The following ACYP2 variants were observed in gnomAD, a reference collection of about 807,000 sequenced individuals.
ACYP2 encodes the protein acylphosphatase 2.
In ACYP2, 12 loss-of-function variants were observed where a neutral mutation model predicts 11.2. The ratio of observed to expected loss-of-function variants is 1.08; its 90% CI spans 0.69 to 1.74. ACYP2 has a LOEUF of 1.74. Ranked by LOEUF, ACYP2 falls within the 40% of genes most tolerant of loss-of-function variation. The probability of loss-of-function intolerance (pLI) is 0.00; values close to 1 mark genes in which losing one functional copy is unlikely to be tolerated. For missense variants in ACYP2, 134 were observed against 101.9 expected (o/e 1.31, Z -1.35); for synonymous variants, 43 against 32.2 (o/e 1.33, Z -1.13).
At chr2:54,178,424 A>G (rs1405801058) in intron 6 of ACYP2, among the ~76,000 whole-genome samples, 1 of 152,194 alleles carries the variant, frequency 6.6e-6, no homozygotes, top group African/African-American at 2.4e-5. Flanking sequence ...TATAGTGACT[A>G]AAGAAACGTA....
intron 4 of ACYP2, among the ~76,000 whole-genome samples, chr2:54,091,942 T>A (rs1329994596): frequency 6.6e-6 from 1 of 152,004 alleles, no homozygotes; most frequent in African/African-American, 2.4e-5. Flanking sequence ...AAAGTGTTTG[T>A]AATAGTCCGT....
intron 4 of ACYP2, chr2:54,065,512 G>C: frequency 2.5e-6 from 1 of 398,564 alleles, no homozygotes; most frequent in Non-Finnish European, 4.4e-6. Flanking sequence ...CCCTGATCAG[G>C]GAAAATGCAG....
At chr2:54,038,243 C>T (rs763917855) in intron 2 of ACYP2, among the ~76,000 whole-genome samples, 13 of 152,140 alleles carry the variant, frequency 8.5e-5, no homozygotes, top group Non-Finnish European at 1.3e-4. Context: ...GTAGACACCT[C>T]CTCATTCTCC....
At chr2:54,062,146 A>G (rs1365414256) in intron 4 of ACYP2, among the ~76,000 whole-genome samples, 1 of 152,170 alleles carries the variant, frequency 6.6e-6, no homozygotes, top group African/African-American at 2.4e-5. Context: ...AAATAAGCAC[A>G]TTCCACAAGG....
intron 4 of ACYP2, among the ~76,000 whole-genome samples, chr2:54,068,781 G>A (rs1411086472): frequency 6.6e-6 from 1 of 152,104 alleles, no homozygotes; most frequent in African/African-American, 2.4e-5. Context: ...GGCTGTTTGA[G>A]AAGGAGGCTG....
intron 2 of ACYP2, among the ~76,000 whole-genome samples, chr2:53,979,325 G>T (rs1293401715): frequency 6.6e-6 from 1 of 151,840 alleles, no homozygotes; most frequent in African/African-American, 2.4e-5. Flanking sequence ...AAATAGAAAA[G>T]CACATAAAAA....
chr2:54,219,664 G>T (rs1685699261), intron 6 of ACYP2, among the ~76,000 whole-genome samples: 1 of 151,754 alleles, frequency 6.6e-6, no homozygotes, highest in African/African-American at 2.4e-5. Context: ...TGTTGCCCAG[G>T]CTGGAGTGCA....
At chr2:53,972,963 A>T (rs12992028) in intron 1 of ACYP2, among the ~76,000 whole-genome samples, 1 of 152,128 alleles carries the variant, frequency 6.6e-6, no homozygotes, top group Non-Finnish European at 1.5e-5. Flanking sequence ...GGAGGGAAGG[A>T]AATATACAGT....
At position 54,266,565 on chromosome 2, in the gene ACYP2, TAG is replaced by T. The variant is rs1190388898; in HGVS notation, c.405-38121_405-38120del. Among the ~76,000 whole-genome samples, 605 of 131,540 alleles carry T rather than the reference TAG, an allele frequency of 4.6e-3. 12 individuals are homozygous for T. The highest frequency in any genetic ancestry group is 0.016 in the African/African-American group (575 of 35,490). The allele number at this position is 131,540 out of a possible 152,430, so 86.3% of individuals were successfully genotyped here. On this transcript the variant is annotated intron_variant, in intron 6 of 6. Coordinates refer to ENST00000607452, the MANE Select transcript of ACYP2 (RefSeq NM_001320586.2). ...ATATAGCTAGATAAAGATAGATAGA[TAG>T]ATAGATATAGATATCTATCTATCTT...
chr2:54,156,126 G>A (rs1351978301), intron 6 of ACYP2, among the ~76,000 whole-genome samples: 1 of 152,140 alleles, frequency 6.6e-6, no homozygotes, highest in African/African-American at 2.4e-5. Context: ...GCTGTTGGAT[G>A]GAAAATTCTA....
intron 4 of ACYP2, among the ~76,000 whole-genome samples, chr2:54,134,917 C>A (rs1681132385): frequency 6.6e-6 from 1 of 152,238 alleles, no homozygotes; most frequent in South Asian, 2.1e-4. Flanking sequence ...CTTCCTTCTT[C>A]ACAGTTTCAT....
At chr2:53,998,804 T>TA (rs1035583733) in intron 2 of ACYP2, among the ~76,000 whole-genome samples, 2 of 150,788 alleles carry the variant, frequency 1.3e-5, no homozygotes, top group Admixed American at 6.6e-5. Context: ...GGACTGGGTT[T>TA]AAAAAAAAAG....
rs1030883175 is a variant in ACYP2, at chr2:54,267,403, C to T, written c.405-37285C>T. The T allele has an allele frequency of 4.0e-6, 6 of 1,510,932 alleles. No individual in the cohort carries two copies. In the African/African-American group the frequency reaches 8.4e-5, roughly 21 times the overall value. The allele number at this position is 1,510,932 out of a possible 1,614,324, so 93.6% of individuals were successfully genotyped here. A position where few individuals can be genotyped will look rare whatever the true frequency, so the allele number is the denominator to read the frequency against. On this transcript the variant is annotated intron_variant, in intron 6 of 6. Transcript: ENST00000607452. ...TACTTTCAAATGAGAAGGGCTTATA[C>T]ATCCTAAAGTAAGGGGTGGGAACAG...
chr2:54,004,629 C>T (rs1375807926), intron 2 of ACYP2, among the ~76,000 whole-genome samples: 6 of 150,922 alleles, frequency 4.0e-5, no homozygotes, highest in Non-Finnish European at 8.9e-5. Context: ...CCAGGATGGT[C>T]TTGATCTCCT....
At chr2:54,143,787 T>G (rs1286074377) in intron 6 of ACYP2, among the ~76,000 whole-genome samples, 4 of 150,090 alleles carry the variant, frequency 2.7e-5, no homozygotes, top group Non-Finnish European at 4.4e-5. Flanking sequence ...ATGTTTTGAT[T>G]TTAAAGTTTT....
intron 4 of ACYP2, among the ~76,000 whole-genome samples, chr2:54,116,882 G>A (rs1394669494): frequency 6.6e-6 from 1 of 152,132 alleles, no homozygotes; most frequent in African/African-American, 2.4e-5. Context: ...GCAGGCGTAC[G>A]AGCTCAAGTG....
intron 6 of ACYP2, among the ~76,000 whole-genome samples, chr2:54,186,234 T>G (rs551179076): frequency 6.6e-6 from 1 of 152,150 alleles, no homozygotes; most frequent in Non-Finnish European, 1.5e-5. Flanking sequence ...ATGTTACATA[T>G]GAAATTCACC....
rs113932278 is a variant in ACYP2 at position 54,256,141 on chromosome 2, G to T, written c.405-48547G>T. 261 of 1,611,740 alleles carry T rather than the reference G, an allele frequency of 1.6e-4. No homozygotes were observed. Among genetic ancestry groups the T allele is most frequent in the Non-Finnish European group, 2.1e-4 (249 of 1,178,560 alleles). On this transcript the variant is annotated intron_variant, in intron 6 of 6. Coordinates refer to ENST00000607452, the MANE Select transcript of ACYP2 (RefSeq NM_001320586.2). ...AGTAGCGGGGCTGTGAGGACTCTCC[G>T]GGAGGCTCATGTTGGTAGCGGCCAG...
At chr2:53,990,560 A>G (rs1481264158) in intron 2 of ACYP2, among the ~76,000 whole-genome samples, 2 of 150,444 alleles carry the variant, frequency 1.3e-5, no homozygotes, top group African/African-American at 2.4e-5. Flanking sequence ...GAGGCAGGAG[A>G]ATCTGTTGAA....
Sources: allele counts gnomAD v4.1 joint callset (sites outside exome capture counted in the v4.1 genomes callset), GRCh38; gene constraint gnomAD v4.1.1; transcripts MANE v1.5; gene names NCBI Gene and HGNC (gene_info 2026-07-23, HGNC 2026-07-21).